Variants in CTPS2 observed in about 807,000 individuals in gnomAD.
The protein encoded by CTPS2 is CTP synthase II.
Under a neutral mutation model 46.8 loss-of-function variants are expected in CTPS2, and 19 were observed. The observed-to-expected ratio is 0.41, with a 90% CI of 0.28 to 0.60. The LOEUF is 0.60. Among genes scored for constraint, CTPS2 ranks in the 20% least tolerant of loss-of-function variants. The pLI, the probability that CTPS2 is intolerant of heterozygous loss-of-function variation, is 0.35. For synonymous variants in CTPS2, 151 were observed against 165.2 expected (o/e 0.91, Z 0.66); for missense variants, 286 against 447.6 (o/e 0.64, Z 3.26).
At chrX:16,590,035 A>G (rs1041886361) in intron 18 of CTPS2, among the ~76,000 whole-genome samples, 3 of 111,844 alleles carry the variant, frequency 2.7e-5, no homozygotes, top group African/African-American at 9.7e-5. Context: ...GGCCTGCCAT[A>G]ATGCCTAGGG....
At chrX:16,595,879 A>T (rs779588481) in intron 17 of CTPS2, among the ~76,000 whole-genome samples, 10 of 110,028 alleles carry the variant, frequency 9.1e-5, no homozygotes, top group South Asian at 7.6e-4. Flanking sequence ...CTTAAAAAAA[A>T]TTTTTTTTGA....
chrX:16,674,692 G>A (rs1922097503), intron 10 of CTPS2, among the ~76,000 whole-genome samples: 1 of 106,401 alleles, frequency 9.4e-6, no homozygotes, highest in Non-Finnish European at 1.9e-5. Context: ...CAAAAAATTA[G>A]CCGGGCGTGG....
At chrX:16,700,582 A>AT (rs1924484279) in intron 2 of CTPS2, among the ~76,000 whole-genome samples, 1 of 108,706 alleles carries the variant, frequency 9.2e-6, no homozygotes, top group African/African-American at 3.4e-5. Flanking sequence ...AAAAAAAATC[A>AT]TTAAAAAAAA....
At chrX:16,699,731 A>G (rs1340112543) in intron 2 of CTPS2, among the ~76,000 whole-genome samples, 1 of 112,050 alleles carries the variant, frequency 8.9e-6, no homozygotes, top group African/African-American at 3.2e-5. Flanking sequence ...TAAGAATTGA[A>G]CCTTTCCCCT....
At chrX:16,597,922 G>T (rs1465956815) in intron 17 of CTPS2, among the ~76,000 whole-genome samples, 1 of 107,782 alleles carries the variant, frequency 9.3e-6, no homozygotes, top group Non-Finnish European at 1.9e-5. Context: ...CCCTTGTAAG[G>T]TGGATTCCTA....
intron 13 of CTPS2, chrX:16,651,120 T>C (rs780831648): frequency 2.5e-6 from 3 of 1,207,963 alleles, no homozygotes; most frequent in African/African-American, 1.7e-5. Flanking sequence ...TGATTCAGGC[T>C]GAATTCCCCA....
intron 12 of CTPS2, 42 bp downstream of exon 12, chrX:16,667,618 GAA>G (rs1921308205): frequency 8.3e-7 from 1 of 1,203,134 alleles, no homozygotes; most frequent in Non-Finnish European, 1.1e-6. Flanking sequence ...TTTGAAGAGA[GAA>G]AATTTTTTAA....
At chrX:16,672,279 G>C (rs1921813929) in intron 10 of CTPS2, among the ~76,000 whole-genome samples, 1 of 111,289 alleles carries the variant, frequency 9.0e-6, no homozygotes, top group Non-Finnish European at 1.9e-5. Flanking sequence ...GGAAACTTGA[G>C]AGTTGATGAG....
chrX:16,596,719 T>C (rs1420400530), intron 17 of CTPS2, among the ~76,000 whole-genome samples: 2 of 106,391 alleles, frequency 1.9e-5, no homozygotes, highest in East Asian at 3.0e-4. Context: ...AGTAATGGGA[T>C]GGCTGGGTCA....
chrX:16,642,520 C>T (rs1932129436), intron 13 of CTPS2, among the ~76,000 whole-genome samples: 1 of 111,393 alleles, frequency 9.0e-6, no homozygotes, highest in Non-Finnish European at 1.9e-5. Context: ...GCAAAGAACG[C>T]TGCCAGGCAC....
At position 16,617,396 on chromosome X, in the gene CTPS2, T is replaced by C. The variant is rs1406145939; in HGVS notation, c.1450-150A>G. On this transcript the variant is annotated intron_variant, in intron 15 of 18. Coordinates refer to ENST00000359276, the MANE Select transcript of CTPS2 (RefSeq NM_175859.3). ...TCAATGCTCAAAGCCAATTTTAAAC[T>C]AATGATGAACCTCAGATATAAAATG... 4.7e-5 allele frequency: 16 copies of C among 341,762 alleles called. No homozygotes were observed. In the Middle Eastern group the frequency reaches 3.4e-3, roughly 73 times the overall value. 28.2% of individuals were successfully genotyped at this position (341,762 alleles called of 1,213,427 possible).
chrX:16,634,993 C>A (rs1931668779), intron 14 of CTPS2, among the ~76,000 whole-genome samples: 1 of 109,723 alleles, frequency 9.1e-6, no homozygotes, highest in African/African-American at 3.3e-5. Flanking sequence ...AGTCATCCAT[C>A]CACTGCGGCT....
At chrX:16,705,801 G>A (rs1182817048) in intron 1 of CTPS2, among the ~76,000 whole-genome samples, 2 of 110,560 alleles carry the variant, frequency 1.8e-5, no homozygotes, top group Non-Finnish European at 3.8e-5. Context: ...GGCTGTTACA[G>A]CCTGCAAAGA....
chrX:16,653,949 C>T (rs910712059), intron 13 of CTPS2, among the ~76,000 whole-genome samples: 1 of 110,848 alleles, frequency 9.0e-6, no homozygotes, highest in Non-Finnish European at 1.9e-5. Flanking sequence ...CAGAAGGAGC[C>T]CTCCCTGCCT....
intron 14 of CTPS2, among the ~76,000 whole-genome samples, chrX:16,635,989 G>T (rs61227049): frequency 0.017 from 1,855 of 112,211 alleles, 32 homozygotes; most frequent in African/African-American, 0.056. Flanking sequence ...CACCAGCTGA[G>T]GAATGGATAA....
chrX:16,680,727 G>A (rs2147331424), intron 9 of CTPS2, among the ~76,000 whole-genome samples: 1 of 110,699 alleles, frequency 9.0e-6, no homozygotes, highest in South Asian at 3.9e-4. Flanking sequence ...TGGGAGGAAT[G>A]GGAAGTAAAC....
At position 16,698,226 on chromosome X, in the gene CTPS2, C is replaced by A; in HGVS notation, c.438+10G>T. On this transcript the variant is annotated intron_variant, in intron 4 of 18. Transcript: ENST00000359276. ...AGGATATAATTTTATAAAGAAAGTT[C>A]TATGCTTGCCTCAATAACGCATATT... The A allele has an allele frequency of 8.7e-7, 1 of 1,147,766 alleles. No individual in the cohort carries two copies. The highest frequency in any genetic ancestry group is 1.2e-6 in the Non-Finnish European group (1 of 837,944). 94.6% of individuals were successfully genotyped at this position (1,147,766 alleles called of 1,213,427 possible).
chrX:16,681,520 T>C (rs1356694681), intron 9 of CTPS2, among the ~76,000 whole-genome samples: 2 of 111,737 alleles, frequency 1.8e-5, no homozygotes, highest in African/African-American at 6.5e-5. Flanking sequence ...ATCTGCTTTC[T>C]GCATTTTAGA....
intron 1 of CTPS2, among the ~76,000 whole-genome samples, chrX:16,704,800 A>T (rs768730312): frequency 9.0e-6 from 1 of 110,657 alleles, no homozygotes; most frequent in African/African-American, 3.3e-5. Context: ...ATACAAAATT[A>T]GCCAGGTGTG....
Sources: allele counts gnomAD v4.1 joint callset (sites outside exome capture counted in the v4.1 genomes callset), GRCh38; gene constraint gnomAD v4.1.1; transcripts MANE v1.5; gene names NCBI Gene and HGNC (gene_info 2026-07-23, HGNC 2026-07-21).